C1orf87: variants seen among roughly 807,000 people sequenced by gnomAD.
The protein encoded by C1orf87 is chromosome 1 open reading frame 87.
A neutral mutation model predicts 60.5 loss-of-function variants in C1orf87; 58 were observed. The ratio of observed to expected loss-of-function variants is 0.96; its 90% CI spans 0.78 to 1.19. C1orf87 has a LOEUF of 1.19. Among genes scored for constraint, C1orf87 ranks in the 50% most tolerant of loss-of-function variants. C1orf87 has a pLI of 0.00. For synonymous variants in C1orf87, 236 were observed against 227.4 expected (o/e 1.04, Z -0.34); for missense variants, 673 against 638.6 (o/e 1.05, Z -0.58).
At chr1:60,070,226 C>T (rs186839077) in intron 2 of C1orf87, among the ~76,000 whole-genome samples, 119 of 152,284 alleles carry the variant, frequency 7.8e-4, no homozygotes, top group Non-Finnish European at 1.5e-3. Flanking sequence ...GTCTGTCATA[C>T]CATCCCATCA....
At chr1:60,004,916 C>A (rs1557457661) in intron 9 of C1orf87, among the ~76,000 whole-genome samples, 1 of 135,720 alleles carries the variant, frequency 7.4e-6, no homozygotes. Flanking sequence ...GCATGTTAGA[C>A]CCACCTGGGC....
intron 8 of C1orf87, among the ~76,000 whole-genome samples, chr1:60,023,003 T>G (rs1645174540): frequency 6.6e-6 from 1 of 152,188 alleles, no homozygotes; most frequent in South Asian, 2.1e-4. Flanking sequence ...ATTACTTATT[T>G]CTGGAATTTT....
chr1:59,997,529 A>G (rs977805450), intron 11 of C1orf87, 80 bp downstream of exon 11: 2 of 1,294,616 alleles, frequency 1.5e-6, no homozygotes, highest in Non-Finnish European at 2.2e-6. Flanking sequence ...TTTGTTCAAG[A>G]GGCAAAAGAA....
intron 11 of C1orf87, among the ~76,000 whole-genome samples, chr1:59,996,012 T>C (rs1644961072): frequency 6.6e-6 from 1 of 152,214 alleles, no homozygotes; most frequent in South Asian, 2.1e-4. Context: ...GTATTTTTAA[T>C]AAATAACTTT....
At chr1:60,049,211 G>A (rs142627045) in intron 3 of C1orf87, among the ~76,000 whole-genome samples, 7 of 152,048 alleles carry the variant, frequency 4.6e-5, no homozygotes, top group African/African-American at 1.7e-4. Flanking sequence ...CATTGTAGCA[G>A]TGTATCTGTT....
chr1:60,001,188 G>T (rs771332045), intron 9 of C1orf87, 32 bp from the exon 10 acceptor site: 28 of 1,461,948 alleles, frequency 1.9e-5, no homozygotes, highest in East Asian at 2.3e-5. Context: ...AAAAGGAAGG[G>T]TTTAGCTTGG....
chr1:59,998,580 C>T (rs1644980001), intron 10 of C1orf87, among the ~76,000 whole-genome samples: 1 of 152,094 alleles, frequency 6.6e-6, no homozygotes, highest in African/African-American at 2.4e-5. Context: ...CAGAAATTGC[C>T]CTTCCTGCTG....
chr1:60,070,231 C>G (rs1007491213), intron 2 of C1orf87, among the ~76,000 whole-genome samples: 3 of 152,148 alleles, frequency 2.0e-5, no homozygotes, highest in Non-Finnish European at 4.4e-5. Context: ...TCATACCATC[C>G]CATCATCAAC....
chr1:60,072,742 A>C, intron 1 of C1orf87, 72 bp from the exon 2 acceptor site: 3 of 724,408 alleles, frequency 4.1e-6, no homozygotes. Context: ...TGCCAATAAC[A>C]ACAAGCAATA....
rs191662439 is a variant in C1orf87 at position 59,997,345 on chromosome 1, G to T, written c.1480+264C>A. ...GTATCTCTGAGGTATTTTAATCAGA[G>T]GAATTATAAAATTGGATTGTGGGTT... On this transcript the variant is annotated intron_variant, in intron 11 of 11. Transcript: ENST00000371201. Among the ~76,000 whole-genome samples, 343 of 152,234 alleles carry T rather than the reference G, an allele frequency of 2.3e-3. 4 individuals are homozygous for T. The highest frequency in any genetic ancestry group is 7.8e-3 in the African/African-American group (325 of 41,548).
At chr1:60,006,065 T>A (rs972854875) in intron 9 of C1orf87, among the ~76,000 whole-genome samples, 14 of 152,044 alleles carry the variant, frequency 9.2e-5, no homozygotes, top group Non-Finnish European at 1.8e-4. Flanking sequence ...CTTGCTACAG[T>A]TTCTTAGATA....
intron 11 of C1orf87, 100 bp downstream of exon 11, chr1:59,997,509 A>T: frequency 9.7e-7 from 1 of 1,030,796 alleles, no homozygotes; most frequent in Non-Finnish European, 1.4e-6. Flanking sequence ...TTTATATATT[A>T]ATTGTATCAT....
intron 11 of C1orf87, among the ~76,000 whole-genome samples, chr1:59,993,947 C>G (rs538968126): frequency 1.3e-5 from 2 of 151,778 alleles, no homozygotes; most frequent in African/African-American, 4.8e-5. Flanking sequence ...TTAGTAGAAA[C>G]GGGGTTTCAC....
intron 8 of C1orf87, among the ~76,000 whole-genome samples, chr1:60,017,711 T>C (rs1645133573): frequency 6.6e-6 from 1 of 152,156 alleles, no homozygotes; most frequent in Non-Finnish European, 1.5e-5. Flanking sequence ...ATAATTTCCA[T>C]CCAACAAAAC....
chr1:59,998,824 C>T (rs1019139204), intron 10 of C1orf87, among the ~76,000 whole-genome samples: 5 of 152,012 alleles, frequency 3.3e-5, no homozygotes, highest in Admixed American at 6.6e-5. Flanking sequence ...AAGCTGACAA[C>T]GAGAGAAGAA....
In C1orf87 at chr1:60,040,040, G is replaced by T. The variant is rs1441800651; in HGVS notation, c.624C>A (p.Ile208=). 2 of 1,614,226 alleles carry T rather than the reference G, an allele frequency of 1.2e-6. No individual in the cohort carries two copies. The highest frequency in any genetic ancestry group is 1.7e-6 in the Non-Finnish European group (2 of 1,180,040). Residue 208 remains isoleucine, a synonymous_variant, in exon 5 of 12, where the codon ATC becomes ATA. Transcript: ENST00000371201. ...LQKELKILDP[I]SSGFLLQSQL... The stretch of plus-strand genomic sequence containing the variant: ...GAGATTGGAGAAGAAATCCTGAAGA[G>T]ATTGGGTCCAGGATCTTCAGCTCTT...
At chr1:59,995,783 C>A (rs1306486961) in intron 11 of C1orf87, among the ~76,000 whole-genome samples, 5 of 152,214 alleles carry the variant, frequency 3.3e-5, no homozygotes, top group African/African-American at 1.2e-4. Context: ...CTCAGCCTCC[C>A]AAAGTGCTGG....
Position 60,012,616 on chromosome 1 carries a change from T to G in C1orf87, c.1128-2160A>C, listed in dbSNP as rs186369183. On this transcript the variant is annotated intron_variant, in intron 8 of 11. Transcript: ENST00000371201. ...TAATAACAAAAGTAGGTACCAAACC[T>G]CCAATGTCAAGCCAGGCAGATCAGG... is the stretch of plus-strand genomic sequence containing the variant. Among the ~76,000 whole-genome samples, 376 of 152,190 alleles carry G rather than the reference T, an allele frequency of 2.5e-3. 1 individual carries two copies. The highest frequency in any genetic ancestry group is 6.8e-3 in the Middle Eastern group (2 of 294).
At chr1:60,065,340 G>T (rs150584846) in intron 2 of C1orf87, among the ~76,000 whole-genome samples, 1 of 151,694 alleles carries the variant, frequency 6.6e-6, no homozygotes, top group African/African-American at 2.4e-5. Context: ...AGAGCCATAC[G>T]CACACGGAGG....
Sources: gnomAD v4.1 joint callset for allele counts (sites outside exome capture counted in the v4.1 genomes callset) on GRCh38, gnomAD v4.1.1 for gene constraint, MANE v1.5 for transcripts, NCBI Gene and HGNC (gene_info 2026-07-23, HGNC 2026-07-21) for gene names.